TFEC: variants seen among roughly 807,000 people sequenced by gnomAD.
TFEC encodes the protein transcription factor EC, also known as class E basic helix-loop-helix protein 34.
In TFEC, 31 loss-of-function variants were observed where a neutral mutation model predicts 41.6. The ratio of observed to expected loss-of-function variants is 0.74; its 90% CI spans 0.56 to 1.01. TFEC has a LOEUF of 1.01. TFEC is among the 50% of genes least tolerant of loss of function. The pLI, the probability that TFEC is intolerant of heterozygous loss-of-function variation, is 0.00. For synonymous variants in TFEC, 143 were observed against 140.6 expected (o/e 1.02, Z -0.12); for missense variants, 402 against 404.1 (o/e 0.99, Z 0.04).
chr7:116,141,722 G>A (rs1347412278), intron 1 of TFEC, among the ~76,000 whole-genome samples: 2 of 152,176 alleles, frequency 1.3e-5, no homozygotes, highest in African/African-American at 4.8e-5. Flanking sequence ...GTGATATTGG[G>A]AGCAGGTAAC....
In TFEC at chr7:115,939,587, T is replaced by C. The variant is rs1562871556; in HGVS notation, c.*964A>G. 6.6e-6 allele frequency: 1 copy of C among 152,044 alleles called. No homozygotes were observed. The highest frequency in any genetic ancestry group is 2.4e-5 in the African/African-American group (1 of 41,436). The allele number at this position is 152,044 out of a possible 1,614,324, so 9.4% of individuals were successfully genotyped here. ...CAACAACTAATTGATTTCTGTCCAA[T>C]ACTGATGAAAAGTTTTAAGTACCTG... On this transcript the variant is annotated 3_prime_UTR_variant, in exon 8 of 8. Transcript: ENST00000265440.
rs540431371 is a variant in TFEC, at chr7:115,995,388, C to T, written c.-72-10875G>A. 2.6e-5 allele frequency among the ~76,000 whole-genome samples: 4 copies of T among 151,646 alleles called. No homozygotes were observed. The South Asian group carries it at 8.3e-4, about 32-fold the overall frequency. ...ATAATAAGGCATTTGACTATGTATG[C>T]ATATATATATACACACATATATATA... is the stretch of plus-strand genomic sequence containing the variant. On this transcript the variant is annotated intron_variant, in intron 1 of 7. Coordinates refer to ENST00000265440, the MANE Select transcript of TFEC (RefSeq NM_012252.4).
intron 6 of TFEC, among the ~76,000 whole-genome samples, chr7:115,949,380 C>G (rs1470527347): frequency 6.6e-6 from 1 of 152,094 alleles, no homozygotes; most frequent in Non-Finnish European, 1.5e-5. Context: ...AAAAAAGAGC[C>G]TACATCGCCA....
intron 3 of TFEC, among the ~76,000 whole-genome samples, chr7:116,079,099 C>G (rs557399013): frequency 6.6e-6 from 1 of 151,920 alleles, no homozygotes; most frequent in South Asian, 2.1e-4. Context: ...TCTCCATAGA[C>G]GCAGGAAAAA....
intron 3 of TFEC, among the ~76,000 whole-genome samples, chr7:116,060,801 A>G (rs900238622): frequency 1.3e-5 from 2 of 152,050 alleles, no homozygotes; most frequent in Non-Finnish European, 2.9e-5. Flanking sequence ...TGCACAACAA[A>G]CCCCTGTGAC....
intron 1 of TFEC, among the ~76,000 whole-genome samples, chr7:116,147,847 G>A (rs997670809): frequency 6.6e-6 from 1 of 152,122 alleles, no homozygotes; most frequent in Non-Finnish European, 1.5e-5. Flanking sequence ...TACTTACTAT[G>A]TGTTGGATAG....
At chr7:116,031,250 T>A (rs953156748), upstream of TFEC, among the ~76,000 whole-genome samples, 10 of 152,264 alleles carry the variant, frequency 6.6e-5, no homozygotes, top group South Asian at 1.9e-3. Context: ...TTCTTACATA[T>A]GATTTTACTC....
intron 1 of TFEC, among the ~76,000 whole-genome samples, chr7:116,118,650 GGT>G (rs1318235905): frequency 6.6e-6 from 1 of 151,676 alleles, no homozygotes; most frequent in East Asian, 1.9e-4. Context: ...CATGATTAGT[GGT>G]GTCTAACACT....
At chr7:115,996,106 G>C (rs1319152627) in intron 1 of TFEC, among the ~76,000 whole-genome samples, 2 of 152,174 alleles carry the variant, frequency 1.3e-5, no homozygotes, top group Non-Finnish European at 2.9e-5. Context: ...AGCTGGGGTG[G>C]CAAAGGGAGT....
intron 1 of TFEC, among the ~76,000 whole-genome samples, chr7:116,019,901 T>C (rs1348385846): frequency 6.6e-6 from 1 of 152,222 alleles, no homozygotes; most frequent in African/African-American, 2.4e-5. Context: ...AATAACTTGC[T>C]TAATCTAAAA....
intron 1 of TFEC, among the ~76,000 whole-genome samples, chr7:116,131,054 A>T (rs1336109544): frequency 6.6e-6 from 1 of 152,214 alleles, no homozygotes; most frequent in Non-Finnish European, 1.5e-5. Flanking sequence ...ATCTACATTA[A>T]TGTGTATTAA....
At chr7:116,021,909 G>C (rs1172533696) in intron 1 of TFEC, among the ~76,000 whole-genome samples, 1 of 152,174 alleles carries the variant, frequency 6.6e-6, no homozygotes, top group Non-Finnish European at 1.5e-5. Flanking sequence ...TTGTTTAAGA[G>C]AAACAAGTCA....
At chr7:116,005,729 T>A (rs1053080950) in intron 1 of TFEC, among the ~76,000 whole-genome samples, 1 of 152,252 alleles carries the variant, frequency 6.6e-6, no homozygotes, top group Admixed American at 6.5e-5. Context: ...GAGCTGAATG[T>A]TAATCACCAA....
chr7:116,146,263 A>T (rs1798638563), intron 1 of TFEC, among the ~76,000 whole-genome samples: 1 of 152,156 alleles, frequency 6.6e-6, no homozygotes, highest in Admixed American at 6.5e-5. Context: ...AGAGTTCTAG[A>T]CTCAGTAAGT....
At chr7:116,094,310 G>A (rs1299532234) in intron 3 of TFEC, among the ~76,000 whole-genome samples, 1 of 152,150 alleles carries the variant, frequency 6.6e-6, no homozygotes, top group Non-Finnish European at 1.5e-5. Flanking sequence ...TTATGTTTAG[G>A]TCTAGACTAG....
chr7:116,046,196 T>C (rs1480917124), intron 3 of TFEC, among the ~76,000 whole-genome samples: 1 of 152,074 alleles, frequency 6.6e-6, no homozygotes, highest in African/African-American at 2.4e-5. Flanking sequence ...GAAGGCATAA[T>C]TGGTTTTGAA....
At chr7:115,986,815 G>A (rs1421044736) in intron 1 of TFEC, among the ~76,000 whole-genome samples, 1 of 150,600 alleles carries the variant, frequency 6.6e-6, no homozygotes, top group Admixed American at 6.6e-5. Context: ...TGTAAATGAC[G>A]AGTTAATGGG....
intron 3 of TFEC, among the ~76,000 whole-genome samples, chr7:116,078,017 T>G (rs1797000333): frequency 6.6e-6 from 1 of 152,120 alleles, no homozygotes; most frequent in African/African-American, 2.4e-5. Flanking sequence ...AGATAGATCA[T>G]ATGATAGGCC....
intron 2 of TFEC, among the ~76,000 whole-genome samples, chr7:115,983,014 C>G (rs1410988161): frequency 6.6e-6 from 1 of 152,006 alleles, no homozygotes; most frequent in Non-Finnish European, 1.5e-5. Flanking sequence ...TAGAAATCAA[C>G]CTTTCACACA....
Sources: allele counts gnomAD v4.1 joint callset (sites outside exome capture counted in the v4.1 genomes callset), GRCh38; gene constraint gnomAD v4.1.1; transcripts MANE v1.5; gene names NCBI Gene and HGNC (gene_info 2026-07-23, HGNC 2026-07-21).